The following ZNF738 variants were observed in gnomAD, a reference collection of about 807,000 sequenced individuals.
ZNF738 encodes zinc finger protein 738, also known as protein ZNF738.
ZNF738 carries 10 observed loss-of-function variants against 9.2 expected under a neutral mutation model. The observed-to-expected ratio is 1.09, with a 90% CI of 0.67 to 1.85. The LOEUF is 1.85. ZNF738 is among the 40% of genes most tolerant of loss of function. ZNF738 has a pLI of 0.00. For missense variants in ZNF738, 346 were observed against 283.6 expected (o/e 1.22, Z -1.58); for synonymous variants, 113 against 94.5 (o/e 1.20, Z -1.14).
At chr19:21,377,997 T>G (rs1490432724) in intron 4 of ZNF738, 4 of 397,284 alleles carry the variant, frequency 1.0e-5, no homozygotes, top group East Asian at 3.6e-5. Flanking sequence ...TTATGTTGTT[T>G]TCTGTGTCTA....
rs1049874846 is a variant in ZNF738, at chr19:21,384,579, C to G, written c.*905C>G. ...TAAGATAATTCATACTGGAGAGAAA[C>G]CCTACAAATGTGAAGAATGTGGCAA... On this transcript the variant is annotated 3_prime_UTR_variant, in exon 5 of 5. Coordinates refer to ENST00000683779, the MANE Select transcript of ZNF738 (RefSeq NM_001355237.2). 6.6e-6 allele frequency among the ~76,000 whole-genome samples: 1 copy of G among 152,160 alleles called. No homozygotes were observed. The highest frequency in any genetic ancestry group is 1.5e-5 in the Non-Finnish European group (1 of 68,032).
In ZNF738 at chr19:21,382,943, G is replaced by A. The variant is rs2145243167; in HGVS notation, c.397G>A (p.Glu133Lys). The part of the protein sequence containing the change: ...KDSFQKVILR[E>K]YGNYGHKDLQ... ...TTCTTTCCAAAAAGTGATACTGAGA[G>A]AATATGGAAATTATGGACATAAAGA... The change falls in exon 5 of 5, where the codon GAA becomes AAA. Residue 133 changes from glutamate to lysine, a missense_variant. Transcript: ENST00000683779. 1.6e-6 allele frequency: 1 copy of A among 609,262 alleles called. No individual in the cohort carries two copies. The highest frequency in any genetic ancestry group is 3.0e-5 in the East Asian group (1 of 33,402). The allele number at this position is 609,262 out of a possible 1,614,324, so 37.7% of individuals were successfully genotyped here.
chr19:21,377,493 C>T (rs908628758), intron 4 of ZNF738: 5 of 684,622 alleles, frequency 7.3e-6, no homozygotes, highest in African/African-American at 7.2e-5. Flanking sequence ...GTGTGACATA[C>T]ACACAGACAC....
chr19:21,359,870 C>G (rs953545519), intron 1 of ZNF738, among the ~76,000 whole-genome samples: 6 of 151,838 alleles, frequency 4.0e-5, no homozygotes, highest in Non-Finnish European at 8.8e-5. Context: ...GAGCGAGACT[C>G]TTGTCTCAAA....
intron 2 of ZNF738, among the ~76,000 whole-genome samples, chr19:21,364,918 T>A (rs1314185765): frequency 3.0e-4 from 8 of 26,376 alleles, no homozygotes; most frequent in African/African-American, 1.6e-3. Context: ...GCTAATTTTT[T>A]TTTTTTTTTT....
Position 21,383,014 on chromosome 19 carries a change from G to A in ZNF738, c.468G>A (p.Val156=). 1.3e-6 allele frequency: 1 copy of A among 768,456 alleles called. No homozygotes were observed. The highest frequency in any genetic ancestry group is 1.4e-5 in the South Asian group (1 of 71,498). 47.6% of individuals were successfully genotyped at this position (768,456 alleles called of 1,614,324 possible). A position where few individuals can be genotyped will look rare whatever the true frequency, so the allele number is the denominator to read the frequency against. ...GTAAAAGTGTGAATGAGTGTAATGT[G>A]CAAAAAGAAGGTTATAATGAACTAA... ...KGCKSVNECN[V]QKEGYNELKE... The change falls in exon 5 of 5, where the codon GTG becomes GTA. Residue 156 remains valine, a synonymous_variant. Coordinates refer to ENST00000683779, the MANE Select transcript of ZNF738 (RefSeq NM_001355237.2).
Position 21,383,566 on chromosome 19 carries a change from A to G in ZNF738, c.1020A>G (p.Gly340=). The G allele has an allele frequency of 9.7e-7, 1 of 1,028,312 alleles. No homozygotes were observed. Among genetic ancestry groups the G allele is most frequent in the Non-Finnish European group, 1.5e-6 (1 of 662,708 alleles). The allele number at this position is 1,028,312 out of a possible 1,614,324, so 63.7% of individuals were successfully genotyped here. A position where few individuals can be genotyped will look rare whatever the true frequency, so the allele number is the denominator to read the frequency against. ...YLTKHKIIHT[G]EKPYKCEECG... ...CTAAACATAAGATAATTCATACTGGAGAGAAACCCTACAAATGTGAGGAAT... is the reference window on the plus strand; with the variant it reads ...CTAAACATAAGATAATTCATACTGGGGAGAAACCCTACAAATGTGAGGAAT... Residue 340 remains glycine (G), a synonymous_variant, in exon 5 of 5, where the codon GGA becomes GGG. Coordinates refer to ENST00000683779, the MANE Select transcript of ZNF738 (RefSeq NM_001355237.2).
intron 4 of ZNF738, 52 bp downstream of exon 4, chr19:21,376,016 CAA>C (rs376940300): frequency 2.8e-3 from 1,488 of 534,716 alleles, no homozygotes; most frequent in South Asian, 5.3e-3. Context: ...TGGAAGATTA[CAA>C]AAAAAAAAAA....
rs1447224666 is a variant in ZNF738 at position 21,384,639 on chromosome 19, A to C, written c.*965A>C. Among the ~76,000 whole-genome samples, 2 of 152,206 alleles carry C rather than the reference A, an allele frequency of 1.3e-5. No individual in the cohort carries two copies. The highest frequency in any genetic ancestry group is 2.9e-5 in the Non-Finnish European group (2 of 68,038). On this transcript the variant is annotated 3_prime_UTR_variant, in exon 5 of 5. Coordinates refer to ENST00000683779, the MANE Select transcript of ZNF738 (RefSeq NM_001355237.2). ...AAAATCCTCAAACCTTACTAATCAT[A>C]AGATAACTCATACTGGAGAGAAACC... is the stretch of plus-strand genomic sequence containing the variant.
At chr19:21,370,480 TCTGGTGGAATTCAG>T (rs1227929334) in intron 2 of ZNF738, among the ~76,000 whole-genome samples, 5 of 152,212 alleles carry the variant, frequency 3.3e-5, no homozygotes, top group Non-Finnish European at 4.4e-5. Context: ...AATTTTTACA[TCTGGTGGAATTCAG>T]CTGTAAATTT....
intron 4 of ZNF738, among the ~76,000 whole-genome samples, chr19:21,377,060 C>G (rs962761447): frequency 1.3e-5 from 2 of 152,026 alleles, no homozygotes. Flanking sequence ...GTAATCCCAA[C>G]ACTTTGGGAG....
At chr19:21,360,310 G>A (rs563538906) in intron 1 of ZNF738, among the ~76,000 whole-genome samples, 30 of 152,204 alleles carry the variant, frequency 2.0e-4, no homozygotes, top group African/African-American at 7.0e-4. Flanking sequence ...TCCCAATCAG[G>A]GTCTTAAGTC....
At chr19:21,372,625 T>G (rs1222727222) in intron 2 of ZNF738, 4 of 152,362 alleles carry the variant, frequency 2.6e-5, no homozygotes, top group Admixed American at 1.3e-4. Context: ...GTAGCTGCTC[T>G]ACAAGTCATA....
Position 21,383,588 on chromosome 19 carries a change from G to C in ZNF738, c.1042G>C (p.Glu348Gln). The change falls in exon 5 of 5, where the codon GAA (glutamate) becomes CAA (glutamine). Residue 348 changes from glutamate to glutamine, a missense_variant. Transcript: ENST00000683779. The stretch of plus-strand genomic sequence containing the variant: ...TGGAGAGAAACCCTACAAATGTGAG[G>C]AATGTGGCAAAGCTTTTAATTGGTA... ...HTGEKPYKCE[E>Q]CGKAFNWYSH... The C allele has an allele frequency of 9.8e-7, 1 of 1,019,912 alleles. No individual in the cohort carries two copies. Among genetic ancestry groups the C allele is most frequent in the Non-Finnish European group, 1.5e-6 (1 of 656,380 alleles). The allele number at this position is 1,019,912 out of a possible 1,614,324, so 63.2% of individuals were successfully genotyped here. A position where few individuals can be genotyped will look rare whatever the true frequency, so the allele number is the denominator to read the frequency against.
At position 21,375,271 on chromosome 19, in the gene ZNF738, TTC is replaced by T; in HGVS notation, c.135_136del (p.Gln46GlyfsTer15). ...PLTFRDVVIEFSQEEWQCLDT... is the reference protein window; with the variant it reads ...PLTFRDVVIEXSQEEWQCLDT... The stretch of plus-strand genomic sequence containing the variant: ...GACATTTAGGGATGTGGTCATAGAA[TTC>T]TCTCAGGAGGAGTGGCAATGCCTGG... On this transcript the variant is annotated frameshift_variant, in exon 3 of 5. Coordinates refer to ENST00000683779, the MANE Select transcript of ZNF738 (RefSeq NM_001355237.2). LOFTEE classifies it high-confidence loss of function. 8.7e-7 allele frequency: 1 copy of T among 1,144,688 alleles called. No homozygotes were observed. The highest frequency in any genetic ancestry group is 1.3e-6 in the Non-Finnish European group (1 of 753,646). 70.9% of individuals were successfully genotyped at this position (1,144,688 alleles called of 1,614,324 possible). A position where few individuals can be genotyped will look rare whatever the true frequency, so the allele number is the denominator to read the frequency against.
At chr19:21,377,079 G>A (rs1193068528) in intron 4 of ZNF738, among the ~76,000 whole-genome samples, 2 of 151,938 alleles carry the variant, frequency 1.3e-5, no homozygotes, top group South Asian at 2.1e-4. Context: ...AGGCCGAGGC[G>A]AGCGGATCAT....
intron 2 of ZNF738, among the ~76,000 whole-genome samples, chr19:21,366,222 C>T (rs1294986646): frequency 1.3e-5 from 2 of 152,104 alleles, no homozygotes; most frequent in Middle Eastern, 3.2e-3. Flanking sequence ...TGGTGTGAAA[C>T]CAGTTCTTAG....
intron 4 of ZNF738, among the ~76,000 whole-genome samples, 200 bp from the exon 5 acceptor site, chr19:21,382,666 G>A (rs2145242901): frequency 6.6e-6 from 1 of 152,088 alleles, no homozygotes; most frequent in East Asian, 1.9e-4. Context: ...TAAACATTTA[G>A]TTCATTTATA....
chr19:21,386,259 CA>C lies in ZNF738; in HGVS notation c.*2588del. Reference sequence around the variant, plus strand: ...TAATTTATACTGTGGAGAAGCCTTACAAATGTGAAAAATGTAGCAAACCTTT... The same window carrying C: ...TAATTTATACTGTGGAGAAGCCTTACAATGTGAAAAATGTAGCAAACCTTT... On this transcript the variant is annotated 3_prime_UTR_variant, in exon 5 of 5. Transcript: ENST00000683779. 1 of 280,504 alleles carries C rather than the reference CA, an allele frequency of 3.6e-6. No individual in the cohort carries two copies. The highest frequency in any genetic ancestry group is 7.3e-6 in the Non-Finnish European group (1 of 136,964). 17.4% of individuals were successfully genotyped at this position (280,504 alleles called of 1,614,324 possible). A position where few individuals can be genotyped will look rare whatever the true frequency, so the allele number is the denominator to read the frequency against.
Sources: allele counts gnomAD v4.1 joint callset (sites outside exome capture counted in the v4.1 genomes callset), GRCh38; gene constraint gnomAD v4.1.1; transcripts MANE v1.5; gene names NCBI Gene and HGNC (gene_info 2026-07-23, HGNC 2026-07-21).